The following ARHGEF18 variants were observed in gnomAD, a reference collection of about 807,000 sequenced individuals.
ARHGEF18 encodes rho guanine nucleotide exchange factor 18.
Under a neutral mutation model 155.7 loss-of-function variants are expected in ARHGEF18, and 93 were observed. The ratio of observed to expected loss-of-function variants is 0.60; its 90% CI spans 0.50 to 0.71. The LOEUF is 0.71. Among genes scored for constraint, ARHGEF18 ranks in the 30% least tolerant of loss-of-function variants. The pLI, the probability that ARHGEF18 is intolerant of heterozygous loss-of-function variation, is 0.00. For synonymous variants in ARHGEF18, 742 were observed against 753.1 expected (o/e 0.99, Z 0.24); for missense variants, 1,593 against 1,816.1 (o/e 0.88, Z 2.23).
chr19:7,452,101 A>G (rs1009457612), intron 16 of ARHGEF18, among the ~76,000 whole-genome samples: 12 of 152,192 alleles, frequency 7.9e-5, no homozygotes, highest in African/African-American at 2.9e-4. Flanking sequence ...TCATTTGCCA[A>G]CTGTTTCCCC....
At chr19:7,447,314 C>T in intron 15 of ARHGEF18, 146 bp downstream of exon 15, 1 of 669,120 alleles carries the variant, frequency 1.5e-6, no homozygotes, top group African/African-American at 1.9e-5. Context: ...CATGGTGAAA[C>T]CCCGTCTCTA....
chr19:7,427,312 G>A (rs1452837935), intron 10 of ARHGEF18, among the ~76,000 whole-genome samples: 1 of 152,166 alleles, frequency 6.6e-6, no homozygotes, highest in Admixed American at 6.6e-5. Flanking sequence ...GGGGATGTCT[G>A]TGGGCTTCAT....
At chr19:7,366,984 A>G (rs1213861519) in intron 2 of ARHGEF18, among the ~76,000 whole-genome samples, 4 of 151,178 alleles carry the variant, frequency 2.6e-5, no homozygotes, top group African/African-American at 4.9e-5. Context: ...CTGGTCTCAA[A>G]CCCCTAGTCT....
At chr19:7,349,599 GAAACCCCGTCTCTACTAAA>G in intron 1 of ARHGEF18, among the ~76,000 whole-genome samples, 1 of 152,056 alleles carries the variant, frequency 6.6e-6, no homozygotes, top group African/African-American at 2.4e-5. Context: ...CCAACATGGT[GAAACCCCGTCTCTACTAAA>G]AATACAAAAA....
At chr19:7,423,683 T>G (rs1973490157) in intron 10 of ARHGEF18, among the ~76,000 whole-genome samples, 1 of 144,106 alleles carries the variant, frequency 6.9e-6, no homozygotes, top group African/African-American at 2.6e-5. Flanking sequence ...CTAGCCTGGG[T>G]GACAGGGCGA....
intron 2 of ARHGEF18, among the ~76,000 whole-genome samples, chr19:7,365,069 G>A (rs1969825089): frequency 6.6e-6 from 1 of 152,228 alleles, no homozygotes; most frequent in East Asian, 1.9e-4. Flanking sequence ...GCCATAAAGG[G>A]CATCCCATGT....
chr19:7,407,854 C>T (rs1205889937), intron 10 of ARHGEF18, among the ~76,000 whole-genome samples: 2 of 148,542 alleles, frequency 1.3e-5, no homozygotes, highest in South Asian at 2.2e-4. Flanking sequence ...CCCAGCTACT[C>T]GGGAGGCTGA....
chr19:7,439,978 C>T, intron 10 of ARHGEF18: 1 of 1,545,542 alleles, frequency 6.5e-7, no homozygotes, highest in East Asian at 2.5e-5. Flanking sequence ...CCCTCCAGAC[C>T]CGCTGCTTCA....
chr19:7,460,500 A>G (rs1211859222), intron 20 of ARHGEF18, among the ~76,000 whole-genome samples: 1 of 152,068 alleles, frequency 6.6e-6, no homozygotes, highest in African/African-American at 2.4e-5. Context: ...TAACTTTAGA[A>G]CATCCCACCA....
At chr19:7,458,386 A>C (rs1168097425) in intron 18 of ARHGEF18, 126 bp from the exon 19 acceptor site, 1 of 799,536 alleles carries the variant, frequency 1.3e-6, no homozygotes, top group East Asian at 3.0e-5. Flanking sequence ...TCCGCTTTGA[A>C]TTGTTTGAAA....
At chr19:7,433,710 G>A (rs927947988) in intron 10 of ARHGEF18, among the ~76,000 whole-genome samples, 17 of 151,874 alleles carry the variant, frequency 1.1e-4, no homozygotes, top group Non-Finnish European at 2.4e-4. Flanking sequence ...AGGAAGCACA[G>A]CGGCACTGGA....
At position 7,467,449 on chromosome 19, in the gene ARHGEF18, A is replaced by T. The variant is rs901784483; in HGVS notation, c.3245A>T (p.Glu1082Val). Residue 1082 changes from glutamate (E) to valine (V), a missense_variant, in exon 26 of 29, where the codon GAG becomes GTG. Physicochemically the swap from Glu to Val is moderately radical, Grantham distance 121 (BLOSUM62 -2). Coordinates refer to ENST00000668164, the MANE Select transcript of ARHGEF18 (RefSeq NM_001367823.1). ...CGCCAGTGGCAGCACCAGGAGCTGG[A>T]GCGTGCGGGCGCGCGGCTGCAGGAG... Reference protein sequence around the residue: ...RERQWQHQELERAGARLQERE... With the variant: ...RERQWQHQELVRAGARLQERE... The T allele has an allele frequency of 1.3e-5, 20 of 1,527,364 alleles. No individual in the cohort carries two copies. In the African/African-American group the frequency reaches 2.1e-4, roughly 16 times the overall value. The allele number at this position is 1,527,364 out of a possible 1,614,324, so 94.6% of individuals were successfully genotyped here.
chr19:7,354,304 T>A (rs1000501132), intron 1 of ARHGEF18, among the ~76,000 whole-genome samples: 6 of 151,452 alleles, frequency 4.0e-5, no homozygotes, highest in Non-Finnish European at 7.4e-5. Context: ...CAGAGTGAGA[T>A]CCTGTCTCAA....
At chr19:7,419,451 C>G (rs2098748898) in intron 10 of ARHGEF18, among the ~76,000 whole-genome samples, 1 of 151,990 alleles carries the variant, frequency 6.6e-6, no homozygotes, top group African/African-American at 2.4e-5. Context: ...ACCCCAGGTG[C>G]ACCTGCAGCT....
chr19:7,467,839 G>T (rs373968566), intron 26 of ARHGEF18, among the ~76,000 whole-genome samples, 155 bp downstream of exon 26: 4 of 152,210 alleles, frequency 2.6e-5, no homozygotes, highest in African/African-American at 9.6e-5. Flanking sequence ...AGCTCATGCC[G>T]CAGTACAGAC....
downstream of ARHGEF18, among the ~76,000 whole-genome samples, chr19:7,473,765 G>A (rs1454051651): frequency 7.1e-6 from 1 of 141,118 alleles, no homozygotes; most frequent in Non-Finnish European, 1.5e-5. Flanking sequence ...AGCCGAGATT[G>A]CGCCACTGCA....
intron 16 of ARHGEF18, 121 bp downstream of exon 16, chr19:7,451,387 G>C: frequency 5.3e-6 from 4 of 751,836 alleles, no homozygotes; most frequent in Non-Finnish European, 8.3e-6. Context: ...CAGTTTGCTG[G>C]GTGCTGGGGT....
At chr19:7,453,839 G>T in intron 17 of ARHGEF18, 124 bp downstream of exon 17, 1 of 1,281,142 alleles carries the variant, frequency 7.8e-7, no homozygotes, top group African/African-American at 1.5e-5. Flanking sequence ...CCATCTTGGA[G>T]AGGTGGTCAC....
chr19:7,407,059 C>T (rs1472041908), intron 10 of ARHGEF18, among the ~76,000 whole-genome samples: 4 of 133,884 alleles, frequency 3.0e-5, no homozygotes, highest in African/African-American at 5.9e-5. Flanking sequence ...GGCAAGACTC[C>T]GTCTCAAAAA....
Sources: gnomAD v4.1 joint callset for allele counts (sites outside exome capture counted in the v4.1 genomes callset) on GRCh38, gnomAD v4.1.1 for gene constraint, MANE v1.5 for transcripts, NCBI Gene and HGNC (gene_info 2026-07-23, HGNC 2026-07-21) for gene names.